SLC13A3: variants seen among roughly 807,000 people sequenced by gnomAD.
The protein encoded by SLC13A3 is solute carrier family 13 member 3, also known as Na(+)/dicarboxylate cotransporter 3.
SLC13A3 carries 40 observed loss-of-function variants against 59.0 expected under a neutral mutation model. That is an observed-to-expected ratio of 0.68 (90% CI 0.53 to 0.88). The LOEUF (loss-of-function observed/expected upper bound fraction) is 0.88. Ranked by LOEUF, SLC13A3 falls within the 40% of genes least tolerant of loss-of-function variation. SLC13A3 has a pLI of 0.00. For missense variants in SLC13A3, 699 were observed against 783.2 expected (o/e 0.89, Z 1.28); for synonymous variants, 317 against 330.3 (o/e 0.96, Z 0.44).
chr20:46,663,202 G>A (rs2063041818), intron 1 of SLC13A3, among the ~76,000 whole-genome samples: 1 of 152,054 alleles, frequency 6.6e-6, no homozygotes, highest in African/African-American at 2.4e-5. Context: ...TCAGCACTCT[G>A]GGAGACTGAG....
At chr20:46,606,091 T>G (rs1185835967) in intron 3 of SLC13A3, among the ~76,000 whole-genome samples, 3 of 152,216 alleles carry the variant, frequency 2.0e-5, no homozygotes, top group Non-Finnish European at 4.4e-5. Context: ...TGCACAAGAC[T>G]GCACCAGTGA....
intron 9 of SLC13A3, 54 bp from the exon 10 acceptor site, chr20:46,575,739 A>G (rs540776340): frequency 3.5e-6 from 4 of 1,131,714 alleles, no homozygotes; most frequent in Middle Eastern, 2.0e-4. Flanking sequence ...CCTGAGGCAG[A>G]GGCCACCAGC....
At chr20:46,683,331 G>C (rs531963897) in intron 1 of SLC13A3, among the ~76,000 whole-genome samples, 1 of 152,214 alleles carries the variant, frequency 6.6e-6, no homozygotes, top group Non-Finnish European at 1.5e-5. Context: ...GCTGGTAGCT[G>C]TGCCAATAGA....
intron 10 of SLC13A3, among the ~76,000 whole-genome samples, chr20:46,572,475 C>T (rs1253153169): frequency 1.3e-5 from 2 of 152,104 alleles, no homozygotes; most frequent in East Asian, 1.9e-4. Flanking sequence ...CCACTGAGAG[C>T]CAGTGCTCCC....
At chr20:46,677,867 G>A (rs1443930772) in intron 1 of SLC13A3, among the ~76,000 whole-genome samples, 1 of 152,198 alleles carries the variant, frequency 6.6e-6, no homozygotes, top group Non-Finnish European at 1.5e-5. Flanking sequence ...AAGAAGAGGT[G>A]TTAGAACAGG....
chr20:46,578,151 C>T (rs1028752650), intron 9 of SLC13A3, among the ~76,000 whole-genome samples: 15 of 151,512 alleles, frequency 9.9e-5, no homozygotes, highest in South Asian at 2.1e-4. Flanking sequence ...AGGATGGTCT[C>T]GATCTCCTGA....
intron 9 of SLC13A3, among the ~76,000 whole-genome samples, chr20:46,582,410 G>C (rs2062147829): frequency 6.6e-6 from 1 of 150,832 alleles, no homozygotes; most frequent in Non-Finnish European, 1.5e-5. Context: ...TTACAGGTGT[G>C]AGCTACCATG....
chr20:46,579,587 C>A (rs576584489), intron 9 of SLC13A3, among the ~76,000 whole-genome samples: 5 of 152,324 alleles, frequency 3.3e-5, no homozygotes, highest in African/African-American at 1.2e-4. Flanking sequence ...AAAGGACAGG[C>A]AGTGCTCATG....
intron 5 of SLC13A3, 42 bp downstream of exon 5, chr20:46,596,115 A>C: frequency 1.3e-6 from 2 of 1,571,672 alleles, no homozygotes; most frequent in East Asian, 4.5e-5. Context: ...AGAGGAGGGG[A>C]GGAGCAGAAC....
At chr20:46,606,942 G>A (rs556957527) in intron 3 of SLC13A3, among the ~76,000 whole-genome samples, 2 of 152,354 alleles carry the variant, frequency 1.3e-5, no homozygotes, top group East Asian at 3.9e-4. Flanking sequence ...AAAGGAACTG[G>A]AGAAAGGCAA....
intron 1 of SLC13A3, among the ~76,000 whole-genome samples, chr20:46,665,451 T>G (rs964325060): frequency 6.6e-6 from 1 of 152,208 alleles, no homozygotes; most frequent in Non-Finnish European, 1.5e-5. Context: ...TCTGTCTGTA[T>G]AGATTTGCCT....
chr20:46,651,492 T>TG (rs1332224360), upstream of SLC13A3: 1 of 1,199,624 alleles, frequency 8.3e-7, no homozygotes, highest in African/African-American at 1.7e-5. Flanking sequence ...GCTTAAAGCC[T>TG]GGGGGAGGGT....
chr20:46,577,512 G>A (rs960203532), intron 9 of SLC13A3, among the ~76,000 whole-genome samples: 1 of 151,798 alleles, frequency 6.6e-6, no homozygotes, highest in African/African-American at 2.4e-5. Context: ...CTTGCCCCAC[G>A]CAGCAGGTAA....
In SLC13A3 at chr20:46,624,663, T is replaced by TA. The variant is rs1278538260; in HGVS notation, c.112-10939dup. On this transcript the variant is annotated intron_variant, in intron 1 of 12. Coordinates refer to ENST00000279027, the MANE Select transcript of SLC13A3 (RefSeq NM_022829.6). ...TCCCATGCACTATTTGGGATATACT[T>TA]ATAGTTTAAAAATGACTCCTTGTTC... Among the ~76,000 whole-genome samples the TA allele has an allele frequency of 2.0e-5, 3 of 152,208 alleles. No homozygotes were observed. In the East Asian group the frequency reaches 5.8e-4, roughly 29 times the overall value.
chr20:46,576,380 G>A (rs2062076746), intron 9 of SLC13A3, among the ~76,000 whole-genome samples: 1 of 152,178 alleles, frequency 6.6e-6, no homozygotes, highest in African/African-American at 2.4e-5. Context: ...TGGGTTGGGG[G>A]CATAGGCTTG....
intron 1 of SLC13A3, among the ~76,000 whole-genome samples, chr20:46,677,850 C>T (rs2063135321): frequency 6.6e-6 from 1 of 152,072 alleles, no homozygotes; most frequent in South Asian, 2.1e-4. Flanking sequence ...AGCACAGGCC[C>T]CTCTAAAAGA....
chr20:46,594,760 G>A (rs1199101977), intron 5 of SLC13A3, among the ~76,000 whole-genome samples: 1 of 149,978 alleles, frequency 6.7e-6, no homozygotes, highest in Non-Finnish European at 1.5e-5. Flanking sequence ...ACCTCTCCCA[G>A]TGCATGGTTG....
At chr20:46,565,619 C>T (rs531614767) in intron 11 of SLC13A3, among the ~76,000 whole-genome samples, 7 of 152,274 alleles carry the variant, frequency 4.6e-5, no homozygotes, top group South Asian at 2.1e-4. Flanking sequence ...TGGCAGAGCC[C>T]GGCCTGGGGC....
chr20:46,650,725 G>A (rs534440126), intron 1 of SLC13A3, among the ~76,000 whole-genome samples: 63 of 152,096 alleles, frequency 4.1e-4, no homozygotes, highest in Non-Finnish European at 7.8e-4. Flanking sequence ...TGTGACTGTC[G>A]CGTGAAATGT....
Sources: gnomAD v4.1 joint callset for allele counts (sites outside exome capture counted in the v4.1 genomes callset) on GRCh38, gnomAD v4.1.1 for gene constraint, MANE v1.5 for transcripts, NCBI Gene and HGNC (gene_info 2026-07-23, HGNC 2026-07-21) for gene names.